VWA8: variants seen among roughly 807,000 people sequenced by gnomAD.
VWA8 encodes von Willebrand factor A domain containing 8.
A neutral mutation model predicts 241.5 loss-of-function variants in VWA8; 221 were observed. That is an observed-to-expected ratio of 0.91 (90% confidence interval 0.82 to 1.02). The LOEUF (loss-of-function observed/expected upper bound fraction) is 1.02. Among genes scored for constraint, VWA8 ranks in the 50% least tolerant of loss-of-function variants. The pLI is 0.00. For missense variants in VWA8, 2,322 were observed against 2,328.7 expected, an observed-to-expected ratio of 1.00 and a Z score of 0.06; for synonymous variants, 852 against 827.1, an observed-to-expected ratio of 1.03 and a Z score of -0.52.
intron 21 of VWA8, among the ~76,000 whole-genome samples, chr13:41,748,576 G>C (rs1355447358): frequency 6.6e-6 from 1 of 151,958 alleles, no homozygotes; most frequent in African/African-American, 2.4e-5. Flanking sequence ...TTTTTTGAAG[G>C]GTTTTTTTGT....
intron 18 of VWA8, among the ~76,000 whole-genome samples, chr13:41,784,725 T>C (rs12017811): frequency 0.012 from 717 of 59,816 alleles, 37 homozygotes; most frequent in East Asian, 0.051. Flanking sequence ...TATATATATA[T>C]ATATACACAC....
intron 42 of VWA8, among the ~76,000 whole-genome samples, chr13:41,579,009 T>G (rs1566374672): frequency 6.6e-6 from 1 of 152,226 alleles, no homozygotes; most frequent in Non-Finnish European, 1.5e-5. Flanking sequence ...AAAGATGTGG[T>G]TTATCATCAA....
chr13:41,777,835 G>A (rs1412345057), intron 20 of VWA8, 150 bp downstream of exon 20: 3 of 584,844 alleles, frequency 5.1e-6, no homozygotes, highest in Non-Finnish European at 5.8e-6. Flanking sequence ...AGGTAATTTT[G>A]AAGTTTAGAA....
intron 37 of VWA8, among the ~76,000 whole-genome samples, chr13:41,658,996 T>A (rs1185789405): frequency 6.6e-6 from 1 of 152,236 alleles, no homozygotes; most frequent in Admixed American, 6.5e-5. Flanking sequence ...AGTATTTGTA[T>A]GAAAGTTCAA....
At chr13:41,627,735 C>T (rs2044701172) in intron 37 of VWA8, among the ~76,000 whole-genome samples, 1 of 152,054 alleles carries the variant, frequency 6.6e-6, no homozygotes, top group Non-Finnish European at 1.5e-5. Flanking sequence ...GTGAAGACAC[C>T]ACCACTGGCC....
intron 40 of VWA8, among the ~76,000 whole-genome samples, chr13:41,596,733 G>A (rs2044490642): frequency 6.6e-6 from 1 of 151,260 alleles, no homozygotes; most frequent in African/African-American, 2.4e-5. Flanking sequence ...AATACTCAGA[G>A]AATGATGTAT....
chr13:41,725,285 T>C (rs1323439226), intron 24 of VWA8, among the ~76,000 whole-genome samples: 1 of 152,152 alleles, frequency 6.6e-6, no homozygotes, highest in Non-Finnish European at 1.5e-5. Context: ...AAGCTTCTCA[T>C]ACATTTGAAG....
intron 12 of VWA8, among the ~76,000 whole-genome samples, chr13:41,840,417 G>A (rs989083265): frequency 6.6e-6 from 1 of 151,508 alleles, no homozygotes; most frequent in African/African-American, 2.4e-5. Flanking sequence ...GTATACCTAT[G>A]TAACAAACCT....
rs769279344 is a variant in VWA8 at position 41,605,194 on chromosome 13, G to C, written c.4960C>G (p.Leu1654Val). ...TGTAAATTATCCAGGATGATTCGGA[G>C]GGAGTGCACCTGTCGCCGAACAGCA... ...SGAVRRQVHSLRIILDNLQAK... is the reference protein window; with the variant it reads ...SGAVRRQVHSVRIILDNLQAK... The change falls in exon 40 of 45, where the codon CTC (leucine) becomes GTC (valine). Residue 1654 changes from leucine to valine, a missense_variant. Transcript: ENST00000379310. 1 of 1,613,172 alleles carries C rather than the reference G, an allele frequency of 6.2e-7. No homozygotes were observed. The highest frequency in any genetic ancestry group is 8.5e-7 in the Non-Finnish European group (1 of 1,179,348).
At chr13:41,740,654 C>A (rs2045563064) in intron 21 of VWA8, among the ~76,000 whole-genome samples, 1 of 152,150 alleles carries the variant, frequency 6.6e-6, no homozygotes, top group Non-Finnish European at 1.5e-5. Context: ...GAGGTATGTG[C>A]AGCATTTTCT....
chr13:41,684,066 GT>G (rs2045118463), intron 35 of VWA8, among the ~76,000 whole-genome samples: 1 of 152,064 alleles, frequency 6.6e-6, no homozygotes, highest in South Asian at 2.1e-4. Context: ...TCTACTTTGT[GT>G]TTATATATCA....
At chr13:41,792,775 G>A (rs139311133) in intron 17 of VWA8, among the ~76,000 whole-genome samples, 2 of 151,914 alleles carry the variant, frequency 1.3e-5, no homozygotes, top group Non-Finnish European at 2.9e-5. Context: ...CTCCATTAAA[G>A]CATTACATGA....
intron 9 of VWA8, among the ~76,000 whole-genome samples, chr13:41,877,589 T>C (rs1873958643): frequency 6.6e-6 from 1 of 152,030 alleles, no homozygotes; most frequent in Admixed American, 6.6e-5. Flanking sequence ...TAAATAAAAA[T>C]ACTAAATGTA....
intron 22 of VWA8, among the ~76,000 whole-genome samples, chr13:41,731,310 T>C (rs2045481511): frequency 6.6e-6 from 1 of 152,108 alleles, no homozygotes; most frequent in African/African-American, 2.4e-5. Context: ...AGGTCTTGTG[T>C]AGGAAGTTGA....
intron 17 of VWA8, among the ~76,000 whole-genome samples, chr13:41,800,302 A>T (rs1316319106): frequency 6.6e-6 from 1 of 152,172 alleles, no homozygotes; most frequent in African/African-American, 2.4e-5. Flanking sequence ...GTGGAACTGT[A>T]ACCCTAGTCC....
Position 41,691,946 on chromosome 13 carries a change from C to T in VWA8, c.3676-8G>A. 1 of 1,578,780 alleles carries T rather than the reference C, an allele frequency of 6.3e-7. No homozygotes were observed. Among genetic ancestry groups the T allele is most frequent in the Non-Finnish European group, 8.7e-7 (1 of 1,148,932 alleles). ...ACACATTTTATAAGTTTCCTAAAGA[C>T]AAACAAAACAAGATATTCATATTAA... On this transcript the variant is annotated splice_polypyrimidine_tract_variant and splice_region_variant and intron_variant, in intron 30 of 44. Transcript: ENST00000379310.
At chr13:41,883,219 TG>T (rs549613691) in intron 9 of VWA8, among the ~76,000 whole-genome samples, 167 bp downstream of exon 9, 54 of 152,070 alleles carry the variant, frequency 3.6e-4, no homozygotes, top group African/African-American at 1.1e-3. Context: ...CTTGTTGGAA[TG>T]CTGATACCTC....
chr13:41,882,069 G>A (rs1874248016), intron 9 of VWA8, among the ~76,000 whole-genome samples: 1 of 123,432 alleles, frequency 8.1e-6, no homozygotes, highest in Non-Finnish European at 1.7e-5. Context: ...CAGGCGGAGG[G>A]TCTCCTCACT....
At chr13:41,912,269 TA>T in intron 2 of VWA8, 101 bp from the exon 3 acceptor site, 1 of 850,830 alleles carries the variant, frequency 1.2e-6, no homozygotes, top group Middle Eastern at 3.7e-4. Context: ...ATAACGTATA[TA>T]AAATATGTGT....
Sources: allele counts gnomAD v4.1 joint callset (sites outside exome capture counted in the v4.1 genomes callset), GRCh38; gene constraint gnomAD v4.1.1; transcripts MANE v1.5; gene names NCBI Gene and HGNC (gene_info 2026-07-23, HGNC 2026-07-21).